Variants in TBC1D32 observed in about 807,000 individuals in gnomAD.
The protein encoded by TBC1D32 is TBC1 domain family member 32.
TBC1D32 carries 151 observed loss-of-function variants against 170.3 expected under a neutral mutation model. The observed-to-expected ratio is 0.89, with a 90% confidence interval of 0.78 to 1.01. The LOEUF (loss-of-function observed/expected upper bound fraction) is 1.01. Ranked by LOEUF, TBC1D32 falls within the 50% of genes least tolerant of loss-of-function variation. The pLI is 0.00. For synonymous variants in TBC1D32, 498 were observed against 488.0 expected, an observed-to-expected ratio of 1.02 and a Z score of -0.27; for missense variants, 1,464 against 1,457.1, an observed-to-expected ratio of 1.00 and a Z score of -0.08.
chr6:121,272,356 CATCT>C (rs1801573474), intron 15 of TBC1D32, among the ~76,000 whole-genome samples: 1 of 151,982 alleles, frequency 6.6e-6, no homozygotes, highest in Admixed American at 6.6e-5. Flanking sequence ...ACAATCTATC[CATCT>C]GACAAAGGGC....
intron 29 of TBC1D32, among the ~76,000 whole-genome samples, chr6:121,107,566 AAAT>A (rs1335876097): frequency 2.0e-5 from 3 of 151,948 alleles, no homozygotes; most frequent in East Asian, 1.9e-4. Context: ...TGAGTTGTTA[AAAT>A]AATAATATGG....
At chr6:121,318,294 A>C (rs898845940) in intron 2 of TBC1D32, among the ~76,000 whole-genome samples, 7 of 152,066 alleles carry the variant, frequency 4.6e-5, no homozygotes, top group African/African-American at 1.7e-4. Flanking sequence ...AATATTTAAA[A>C]TCTCTTTCGG....
chr6:121,202,365 GAA>G (rs35983239), intron 22 of TBC1D32, among the ~76,000 whole-genome samples: 1 of 142,370 alleles, frequency 7.0e-6, no homozygotes. Context: ...TTTCACACAG[GAA>G]AAAAAAAAAA....
intron 23 of TBC1D32, 93 bp from the exon 24 acceptor site, chr6:121,160,196 T>C (rs1489673604): frequency 7.2e-6 from 6 of 838,034 alleles, no homozygotes; most frequent in Admixed American, 4.5e-5. Context: ...TTAAACTGGC[T>C]TTTCTTGCTC....
At chr6:121,249,733 A>C (rs892580569) in intron 17 of TBC1D32, among the ~76,000 whole-genome samples, 1 of 151,978 alleles carries the variant, frequency 6.6e-6, no homozygotes, top group African/African-American at 2.4e-5. Flanking sequence ...AAAAACAAAA[A>C]CAAAAACCAA....
At position 121,303,695 on chromosome 6, in the gene TBC1D32, A is replaced by C; in HGVS notation, c.1002T>G (p.Val334=). The change falls in exon 9 of 32, where the codon GTT becomes GTG. Residue 334 remains valine, a synonymous_variant. Transcript: ENST00000398212. ...TCGGATCCAAAATCTTTTGTGAGAC[A>C]ACATGGCTTTGATTATGTTTAACTG... ...LLTVKHNQSH[V]VSQKILDPIY... is the part of the protein sequence containing the mutation. 1 of 1,597,690 alleles carries C rather than the reference A, an allele frequency of 6.3e-7. No homozygotes were observed. The highest frequency in any genetic ancestry group is 8.6e-7 in the Non-Finnish European group (1 of 1,169,032).
intron 15 of TBC1D32, among the ~76,000 whole-genome samples, chr6:121,265,257 C>T (rs1583464345): frequency 1.3e-5 from 2 of 152,210 alleles, no homozygotes; most frequent in Non-Finnish European, 2.9e-5. Context: ...AGAACCATTA[C>T]TATACATCAA....
At chr6:121,209,232 T>C (rs924688155) in intron 21 of TBC1D32, among the ~76,000 whole-genome samples, 1 of 152,062 alleles carries the variant, frequency 6.6e-6, no homozygotes, top group Admixed American at 6.6e-5. Context: ...GAGATATGTA[T>C]ACACCTGTGA....
intron 11 of TBC1D32, 53 bp from the exon 12 acceptor site, chr6:121,292,246 T>C: frequency 4.6e-6 from 7 of 1,506,400 alleles, no homozygotes; most frequent in Admixed American, 2.0e-5. Flanking sequence ...TATTTTACAG[T>C]ACCTGTCTTC....
intron 22 of TBC1D32, among the ~76,000 whole-genome samples, chr6:121,168,924 C>T (rs911717029): frequency 1.3e-5 from 2 of 151,910 alleles, no homozygotes; most frequent in African/African-American, 4.8e-5. Flanking sequence ...AGAGATGATA[C>T]AAACAAATGG....
At chr6:121,211,201 T>C (rs1329800160) in intron 21 of TBC1D32, among the ~76,000 whole-genome samples, 1 of 152,100 alleles carries the variant, frequency 6.6e-6, no homozygotes, top group Non-Finnish European at 1.5e-5. Flanking sequence ...CTCTGTATAC[T>C]GCTATAGAGT....
rs149280374 is a variant in TBC1D32, at chr6:121,259,865, C to T, written c.1734-3580G>A. On this transcript the variant is annotated intron_variant, in intron 15 of 31. Coordinates refer to ENST00000398212, the MANE Select transcript of TBC1D32 (RefSeq NM_152730.6). The stretch of plus-strand genomic sequence containing the variant: ...TAGGAGTCTGACCTCCAGATTCCCC[C>T]CAACATTTCATGCAGCTAACCCAGT... 2.0e-5 allele frequency among the ~76,000 whole-genome samples: 3 copies of T among 152,240 alleles called. No homozygotes were observed. The South Asian group carries it at 6.2e-4, about 32-fold the overall frequency.
upstream of TBC1D32, chr6:121,334,620 T>C: frequency 1.5e-6 from 1 of 656,976 alleles, no homozygotes; most frequent in South Asian, 2.0e-5. Flanking sequence ...CACCTTACTT[T>C]GGGGAAGCAG....
At chr6:121,123,367 T>A (rs910112514) in intron 26 of TBC1D32, among the ~76,000 whole-genome samples, 23 of 152,222 alleles carry the variant, frequency 1.5e-4, no homozygotes, top group Admixed American at 1.1e-3. Flanking sequence ...TTGCAGTTAA[T>A]CTCTCACATA....
At chr6:121,285,144 T>A (rs1463686085) in intron 12 of TBC1D32, among the ~76,000 whole-genome samples, 1 of 152,170 alleles carries the variant, frequency 6.6e-6, no homozygotes, top group African/African-American at 2.4e-5. Flanking sequence ...GGATTTCACA[T>A]TTTTTAAATG....
chr6:121,122,744 T>C (rs1364809013), intron 26 of TBC1D32, among the ~76,000 whole-genome samples: 1 of 152,086 alleles, frequency 6.6e-6, no homozygotes, highest in East Asian at 1.9e-4. Context: ...GTAAACTCCA[T>C]GAGCAGAAGA....
At chr6:121,262,017 A>C (rs1308245498) in intron 15 of TBC1D32, among the ~76,000 whole-genome samples, 5 of 152,230 alleles carry the variant, frequency 3.3e-5, no homozygotes, top group Non-Finnish European at 7.3e-5. Flanking sequence ...AAATCAATCA[A>C]GTGGAAGAAA....
chr6:121,211,088 C>T (rs1239209931), intron 21 of TBC1D32, among the ~76,000 whole-genome samples: 1 of 152,080 alleles, frequency 6.6e-6, no homozygotes, highest in Non-Finnish European at 1.5e-5. Context: ...CAAGTGTCCA[C>T]CAGTAAAAGA....
intron 15 of TBC1D32, among the ~76,000 whole-genome samples, chr6:121,265,466 G>C (rs1028260526): frequency 8.6e-5 from 13 of 151,996 alleles, no homozygotes; most frequent in African/African-American, 3.1e-4. Flanking sequence ...AATCAACATT[G>C]TGAAAATGGC....
Sources: gnomAD v4.1 joint callset for allele counts (sites outside exome capture counted in the v4.1 genomes callset) on GRCh38, gnomAD v4.1.1 for gene constraint, MANE v1.5 for transcripts, NCBI Gene and HGNC (gene_info 2026-07-23, HGNC 2026-07-21) for gene names.